HAUS6: variants seen among roughly 807,000 people sequenced by gnomAD.
HAUS6 encodes the protein HAUS augmin-like complex subunit 6.
HAUS6 carries 80 observed loss-of-function variants against 106.8 expected under a neutral mutation model. The ratio of observed to expected loss-of-function variants is 0.75; its 90% CI spans 0.63 to 0.90. The LOEUF is 0.90. Among genes scored for constraint, HAUS6 ranks in the 40% least tolerant of loss-of-function variants. The pLI is 0.00. For missense variants in HAUS6, 1,155 were observed against 1,118.1 expected, an observed-to-expected ratio of 1.03 and a Z score of -0.47; for synonymous variants, 356 against 379.1, an observed-to-expected ratio of 0.94 and a Z score of 0.71.
At chr9:19,083,540 C>T (rs1055678212) in intron 7 of HAUS6, among the ~76,000 whole-genome samples, 1 of 152,028 alleles carries the variant, frequency 6.6e-6, no homozygotes, top group African/African-American at 2.4e-5. Flanking sequence ...CAGTGGCTCA[C>T]GTCTGTAATC....
At chr9:19,078,803 T>C (rs1464379934) in intron 9 of HAUS6, among the ~76,000 whole-genome samples, 2 of 106,972 alleles carry the variant, frequency 1.9e-5, no homozygotes, top group Admixed American at 1.9e-4. Flanking sequence ...GTCTCAAAAA[T>C]AAAAAATAAA....
intron 11 of HAUS6, among the ~76,000 whole-genome samples, chr9:19,075,017 A>G (rs1836963826): frequency 6.6e-6 from 1 of 152,270 alleles, no homozygotes; most frequent in African/African-American, 2.4e-5. Flanking sequence ...ATGGATAAAC[A>G]AAATGTGGTA....
intron 16 of HAUS6, chr9:19,057,431 C>A (rs1836498036): frequency 6.5e-6 from 1 of 152,724 alleles, no homozygotes. Context: ...GGGAACATGG[C>A]CCTGTCAACA....
chr9:19,078,946 G>A (rs1352153483), intron 9 of HAUS6, among the ~76,000 whole-genome samples: 8 of 150,262 alleles, frequency 5.3e-5, no homozygotes, highest in Non-Finnish European at 1.0e-4. Context: ...CATGAGGTCA[G>A]GAGTTCAAGA....
intron 3 of HAUS6, 65 bp from the exon 4 acceptor site, chr9:19,093,368 C>T (rs1199581238): frequency 2.9e-6 from 4 of 1,375,370 alleles, no homozygotes; most frequent in Non-Finnish European, 4.1e-6. Context: ...ATTTACATCA[C>T]ACTATTTTTG....
chr9:19,073,225 A>G (rs1564012025), intron 11 of HAUS6, among the ~76,000 whole-genome samples: 1 of 152,198 alleles, frequency 6.6e-6, no homozygotes, highest in African/African-American at 2.4e-5. Flanking sequence ...CTTTGCCAAA[A>G]AAAGGTGTTT....
chr9:19,063,234 A>C, intron 13 of HAUS6, 41 bp from the exon 14 acceptor site: 1 of 1,307,836 alleles, frequency 7.6e-7, no homozygotes, highest in Non-Finnish European at 1.1e-6. Context: ...CTTAATAATC[A>C]TGGCTGATCC....
At chr9:19,067,527 A>C (rs1044366213) in intron 12 of HAUS6, among the ~76,000 whole-genome samples, 2 of 152,222 alleles carry the variant, frequency 1.3e-5, no homozygotes, top group African/African-American at 4.8e-5. Flanking sequence ...TAACTAAAAG[A>C]TTCAGGAGCT....
At chr9:19,092,452 C>G (rs981564248) in intron 4 of HAUS6, among the ~76,000 whole-genome samples, 1 of 150,866 alleles carries the variant, frequency 6.6e-6, no homozygotes, top group Non-Finnish European at 1.5e-5. Flanking sequence ...CCCATCTCTA[C>G]TAAAAATACA....
At chr9:19,091,977 T>C (rs895116976) in intron 4 of HAUS6, among the ~76,000 whole-genome samples, 2 of 152,238 alleles carry the variant, frequency 1.3e-5, no homozygotes, top group African/African-American at 4.8e-5. Context: ...ATAAACATTT[T>C]TTTTTAAGTA....
chr9:19,088,498 A>G (rs989136429), intron 5 of HAUS6, among the ~76,000 whole-genome samples: 3 of 152,202 alleles, frequency 2.0e-5, no homozygotes, highest in African/African-American at 7.2e-5. Flanking sequence ...AGGATACGAA[A>G]TAAAATAAAC....
In HAUS6 at chr9:19,053,185, T is replaced by C. The variant is rs965071587; in HGVS notation, c.*3158A>G. ...TGAAAACAACAGTATTTAAAACATTTACAGAGAGTCCCATAGAGGATTCTC... is the reference window on the plus strand; with the variant it reads ...TGAAAACAACAGTATTTAAAACATTCACAGAGAGTCCCATAGAGGATTCTC... On this transcript the variant is annotated 3_prime_UTR_variant, in exon 17 of 17. Coordinates refer to ENST00000380502, the MANE Select transcript of HAUS6 (RefSeq NM_017645.5). 2.0e-5 allele frequency: 3 copies of C among 152,132 alleles called. No individual in the cohort carries two copies. Among genetic ancestry groups the C allele is most frequent in the Non-Finnish European group, 4.4e-5 (3 of 67,986 alleles). The allele number at this position is 152,132 out of a possible 1,614,324, so 9.4% of individuals were successfully genotyped here. A position where few individuals can be genotyped will look rare whatever the true frequency, so the allele number is the denominator to read the frequency against.
chr9:19,096,362 T>C (rs1588628934), intron 2 of HAUS6, among the ~76,000 whole-genome samples: 1 of 152,032 alleles, frequency 6.6e-6, no homozygotes, highest in Non-Finnish European at 1.5e-5. Flanking sequence ...GTCAGGAGTT[T>C]GAGACCAGCC....
intron 12 of HAUS6, among the ~76,000 whole-genome samples, chr9:19,069,230 T>C (rs944156654): frequency 1.3e-5 from 2 of 152,030 alleles, no homozygotes; most frequent in African/African-American, 4.8e-5. Context: ...TTCACATACA[T>C]AAAAAGGCAA....
intron 4 of HAUS6, among the ~76,000 whole-genome samples, chr9:19,091,071 C>A (rs1290270469): frequency 2.0e-5 from 3 of 151,658 alleles, no homozygotes; most frequent in Non-Finnish European, 4.4e-5. Flanking sequence ...GAGGCCGAGG[C>A]GGGTGGATCA....
chr9:19,063,511 T>A lies in HAUS6; in HGVS notation c.1443+3A>T. 1 of 1,475,222 alleles carries A rather than the reference T, an allele frequency of 6.8e-7. No individual in the cohort carries two copies. The highest frequency in any genetic ancestry group is 9.5e-7 in the Non-Finnish European group (1 of 1,056,774). The allele number at this position is 1,475,222 out of a possible 1,614,324, so 91.4% of individuals were successfully genotyped here. Reference sequence around the variant, plus strand: ...ATTAATTGAGACTTATTTTAAAATATACCTTTTCAAGTACTGTAACACTGT... The same window carrying A: ...ATTAATTGAGACTTATTTTAAAATAAACCTTTTCAAGTACTGTAACACTGT... On this transcript the variant is annotated splice_donor_region_variant and intron_variant, in intron 13 of 16. Coordinates refer to ENST00000380502, the MANE Select transcript of HAUS6 (RefSeq NM_017645.5).
rs1420276039 is a variant in HAUS6 at position 19,053,294 on chromosome 9, CAT to C, written c.*3047_*3048del. ...CTCTAGAGCAACTATGTATCTGCAACATAAAAGAAACATTTACTTCAATGCTT... is the reference window on the plus strand; with the variant it reads ...CTCTAGAGCAACTATGTATCTGCAACAAAAGAAACATTTACTTCAATGCTT... On this transcript the variant is annotated 3_prime_UTR_variant, in exon 17 of 17. Coordinates refer to ENST00000380502, the MANE Select transcript of HAUS6 (RefSeq NM_017645.5). 6 of 152,108 alleles carry C rather than the reference CAT, an allele frequency of 3.9e-5. No individual in the cohort carries two copies. In the East Asian group the frequency reaches 1.2e-3, roughly 29 times the overall value. The allele number at this position is 152,108 out of a possible 1,614,324, so 9.4% of individuals were successfully genotyped here. A position where few individuals can be genotyped will look rare whatever the true frequency, so the allele number is the denominator to read the frequency against.
In HAUS6 at chr9:19,082,901, A is replaced by G; in HGVS notation, c.842T>C (p.Leu281Pro). Reference sequence around the variant, plus strand: ...AAACATTTGTTTCTCAATTTTGTCAAGTAAGAGCCTTGGAATATTAATAGC... The same window carrying G: ...AAACATTTGTTTCTCAATTTTGTCAGGTAAGAGCCTTGGAATATTAATAGC... Reference protein sequence around the residue: ...NVAINIPRLLLDKIEKQMFQL... With the variant: ...NVAINIPRLLPDKIEKQMFQL... The change falls in exon 8 of 17, where the codon CTT (leucine) becomes CCT (proline). Residue 281 changes from leucine (L) to proline (P), a missense_variant. Physicochemically the swap from Leu to Pro is moderately conservative, Grantham distance 98. Around this residue, in one of 3 missense-constraint regions of HAUS6, gnomAD observed 761 missense variants for 690.0 expected, o/e 1.10. Coordinates refer to ENST00000380502, the MANE Select transcript of HAUS6 (RefSeq NM_017645.5). 2.6e-6 allele frequency: 4 copies of G among 1,516,334 alleles called. No individual in the cohort carries two copies. In the South Asian group the frequency reaches 4.1e-5, roughly 15 times the overall value. 93.9% of individuals were successfully genotyped at this position (1,516,334 alleles called of 1,614,324 possible).
rs965165743 is a variant in HAUS6, at chr9:19,058,916, A to G, written c.1851T>C (p.His617=). The change falls in exon 16 of 17, where the codon CAT becomes CAC. Residue 617 remains histidine (H), a synonymous_variant. Coordinates refer to ENST00000380502, the MANE Select transcript of HAUS6 (RefSeq NM_017645.5). The part of the protein sequence containing the change: ...TKEPIQMDAE[H]REVLPESLPV... ...GTAATGATTCTGGCAATACTTCTCT[A>G]TGTTCAGCATCCATTTGAATTGGTT... The G allele has an allele frequency of 3.2e-6, 5 of 1,583,770 alleles. No homozygotes were observed. In the African/African-American group the frequency reaches 6.7e-5, roughly 21 times the overall value.
Sources: gnomAD v4.1 joint callset for allele counts (sites outside exome capture counted in the v4.1 genomes callset) on GRCh38, gnomAD v4.1.1 for gene constraint, gnomAD v4.1.1 regional missense constraint, MANE v1.5 for transcripts, NCBI Gene and HGNC (gene_info 2026-07-23, HGNC 2026-07-21) for gene names.